DHX8: variants seen among roughly 807,000 people sequenced by gnomAD.
DHX8 encodes DEAH-box helicase 8.
Under a neutral mutation model 140.7 loss-of-function variants are expected in DHX8, and 67 were observed. The observed-to-expected ratio is 0.48, with a 90% CI of 0.39 to 0.58. DHX8 has a LOEUF of 0.58. DHX8 is among the 20% of genes least tolerant of loss of function. DHX8 has a pLI of 0.00. For missense variants in DHX8, 887 were observed against 1,550.7 expected, an observed-to-expected ratio of 0.57 and a Z score of 7.19; for synonymous variants, 533 against 553.2, an observed-to-expected ratio of 0.96 and a Z score of 0.51.
chr17:43,504,255 A>T (rs1969366929), intron 11 of DHX8, among the ~76,000 whole-genome samples: 1 of 151,654 alleles, frequency 6.6e-6, no homozygotes, highest in Non-Finnish European at 1.5e-5. Flanking sequence ...GCCTGGCAAC[A>T]TAGAGTGACC....
At chr17:43,502,352 A>G (rs925645096) in intron 11 of DHX8, among the ~76,000 whole-genome samples, 6 of 152,194 alleles carry the variant, frequency 3.9e-5, no homozygotes, top group African/African-American at 1.2e-4. Context: ...CAGGAGTTCA[A>G]GACCAGTCTG....
intron 4 of DHX8, among the ~76,000 whole-genome samples, chr17:43,491,873 T>G (rs1177324910): frequency 2.0e-5 from 3 of 152,194 alleles, no homozygotes; most frequent in Non-Finnish European, 4.4e-5. Flanking sequence ...GGAGAGTTGC[T>G]TTTTAAAATT....
intron 1 of DHX8, among the ~76,000 whole-genome samples, chr17:43,486,845 C>T (rs961979861): frequency 6.9e-6 from 1 of 145,238 alleles, no homozygotes; most frequent in African/African-American, 2.6e-5. Flanking sequence ...CACTGCCCTC[C>T]AGCCTTAGTG....
chr17:43,486,368 T>C (rs940584848), intron 1 of DHX8, among the ~76,000 whole-genome samples: 1 of 152,206 alleles, frequency 6.6e-6, no homozygotes, highest in Non-Finnish European at 1.5e-5. Context: ...TATTAATTTA[T>C]GTATTTAATT....
At chr17:43,501,322 G>C (rs1277123150) in intron 11 of DHX8, among the ~76,000 whole-genome samples, 2 of 152,102 alleles carry the variant, frequency 1.3e-5, no homozygotes, top group Non-Finnish European at 2.9e-5. Flanking sequence ...TGTGGGGTGG[G>C]AAAGAAGGAA....
chr17:43,506,015 GTA>G (rs1969476284), intron 12 of DHX8, among the ~76,000 whole-genome samples: 1 of 151,700 alleles, frequency 6.6e-6, no homozygotes, highest in Non-Finnish European at 1.5e-5. Context: ...GTGTGTGTGT[GTA>G]TGTGTGTGTG....
chr17:43,486,659 TC>T (rs200004164), intron 1 of DHX8, among the ~76,000 whole-genome samples: 2,381 of 152,058 alleles, frequency 0.016, 54 homozygotes, highest in African/African-American at 0.055. Context: ...GGCGGGTGGA[TC>T]ACGAGGTCAG....
At chr17:43,522,838 T>C (rs957802955) in intron 22 of DHX8, among the ~76,000 whole-genome samples, 1 of 146,680 alleles carries the variant, frequency 6.8e-6, no homozygotes, top group Admixed American at 6.8e-5. Context: ...CCGAGGCAGG[T>C]GGATCACCAG....
intron 16 of DHX8, among the ~76,000 whole-genome samples, chr17:43,510,587 T>C (rs976082598): frequency 1.3e-5 from 2 of 152,236 alleles, no homozygotes; most frequent in Non-Finnish European, 2.9e-5. Flanking sequence ...TATTTTTTAT[T>C]TGTATTTTTT....
At chr17:43,526,361 G>T, downstream of DHX8, 1 of 1,473,818 alleles carries the variant, frequency 6.8e-7, no homozygotes, top group Non-Finnish European at 9.0e-7. Context: ...CACACATGCT[G>T]AGTGTGCTGT....
intron 11 of DHX8, among the ~76,000 whole-genome samples, chr17:43,502,747 T>A (rs187725421): frequency 6.6e-6 from 1 of 152,292 alleles, no homozygotes; most frequent in Admixed American, 6.5e-5. Flanking sequence ...TAAAATTAAA[T>A]TTTTAAAAAC....
intron 12 of DHX8, among the ~76,000 whole-genome samples, chr17:43,505,239 C>T (rs144232451): frequency 0.016 from 2,382 of 152,200 alleles, 36 homozygotes; most frequent in Non-Finnish European, 0.024. Flanking sequence ...GAAACCTTGT[C>T]TCTACTAAAA....
Position 43,492,264 on chromosome 17 carries a change from C to A in DHX8, c.475C>A (p.Gln159Lys). The change falls in exon 5 of 23, where the codon CAG becomes AAG. Residue 159 changes from glutamine to lysine, a missense_variant. Physicochemically the swap from Gln to Lys is moderately conservative, Grantham distance 53. This residue lies in a region of DHX8 where 304 missense variants were observed against 306.9 expected (regional missense o/e 0.99). Coordinates refer to ENST00000262415, the MANE Select transcript of DHX8 (RefSeq NM_004941.3). ...LEALMPSAAG[Q>K]EKQRDAEHRD... The stretch of plus-strand genomic sequence containing the variant: ...AGCTTTAATGCCCAGCGCAGCAGGC[C>A]AGGAGAAGCAAAGAGATGCTGAACA... 3 of 1,613,904 alleles carry A rather than the reference C, an allele frequency of 1.9e-6. No individual in the cohort carries two copies. Among genetic ancestry groups the A allele is most frequent in the Non-Finnish European group, 1.7e-6 (2 of 1,179,870 alleles).
chr17:43,504,871 C>T, intron 12 of DHX8, 46 bp downstream of exon 12: 2 of 1,526,316 alleles, frequency 1.3e-6, no homozygotes, highest in Non-Finnish European at 1.8e-6. Context: ...GGGTTATTGT[C>T]TAAAAGAGGG....
At chr17:43,528,702 G>C (rs370057391), downstream of DHX8, 3 of 1,614,122 alleles carry the variant, frequency 1.9e-6, no homozygotes, top group Admixed American at 3.3e-5. Context: ...AGAGGGCCTC[G>C]GGCTCACACA....
At chr17:43,490,542 T>G in intron 3 of DHX8, 79 bp downstream of exon 3, 6 of 1,181,666 alleles carry the variant, frequency 5.1e-6, no homozygotes, top group Non-Finnish European at 7.3e-6. Context: ...TTTGTTTTCC[T>G]CTCAGCAGTT....
downstream of DHX8, chr17:43,526,773 AATTAT>A: frequency 6.9e-6 from 8 of 1,157,000 alleles, no homozygotes; most frequent in Non-Finnish European, 9.1e-6. Flanking sequence ...TGTGGAATTA[AATTAT>A]ATATTTTTAA....
In DHX8 at chr17:43,506,946, A is replaced by G. The variant is rs560389111; in HGVS notation, c.1729-57A>G. 6.0e-6 allele frequency: 8 copies of G among 1,332,286 alleles called. No individual in the cohort carries two copies. The South Asian group carries it at 1.0e-4, about 17-fold the overall frequency. 82.5% of individuals were successfully genotyped at this position (1,332,286 alleles called of 1,614,324 possible). On this transcript the variant is annotated intron_variant, in intron 12 of 22. Coordinates refer to ENST00000262415, the MANE Select transcript of DHX8 (RefSeq NM_004941.3). ...GACCATATTTATATTCTGTTTAATG[A>G]CCATATTTATATTCTGGCAGATTTT...
At chr17:43,484,922 C>A (rs188676371) in intron 1 of DHX8, among the ~76,000 whole-genome samples, 2 of 152,290 alleles carry the variant, frequency 1.3e-5, no homozygotes, top group African/African-American at 4.8e-5. Context: ...GGATTACAGG[C>A]GTGAGCCATT....
Sources: gnomAD v4.1 joint callset for allele counts (sites outside exome capture counted in the v4.1 genomes callset) on GRCh38, gnomAD v4.1.1 for gene constraint, gnomAD v4.1.1 regional missense constraint, MANE v1.5 for transcripts, NCBI Gene and HGNC (gene_info 2026-07-23, HGNC 2026-07-21) for gene names.